BCAS3: variants seen among roughly 807,000 people sequenced by gnomAD.
BCAS3 encodes BCAS3 microtubule associated cell migration factor.
BCAS3 carries 53 observed loss-of-function variants against 116.1 expected under a neutral mutation model. That is an observed-to-expected ratio of 0.46 (90% confidence interval 0.37 to 0.57). The LOEUF (loss-of-function observed/expected upper bound fraction) is 0.57, where lower values mean the gene tolerates loss of function less well. BCAS3 is among the 20% of genes least tolerant of loss of function. The pLI is 0.00. For missense variants in BCAS3, 917 were observed against 1,165.4 expected, an observed-to-expected ratio of 0.79 and a Z score of 3.10; for synonymous variants, 391 against 408.2, an observed-to-expected ratio of 0.96 and a Z score of 0.51.
chr17:61,138,469 G>A (rs957080778), intron 22 of BCAS3, among the ~76,000 whole-genome samples: 2 of 152,184 alleles, frequency 1.3e-5, no homozygotes, highest in African/African-American at 4.8e-5. Flanking sequence ...CTTACACACA[G>A]ACCAAATTAC....
rs762784857 is a variant in BCAS3, at chr17:61,279,972, G to C, written c.2426-88355G>C. On this transcript the variant is annotated intron_variant, in intron 22 of 23. Coordinates refer to ENST00000407086, the MANE Select transcript of BCAS3 (RefSeq NM_017679.5). The surrounding 1 kb of genome is among the most constrained non-coding windows in gnomAD (Gnocchi z 4.4). ...TCTACATTAACTCTTTGTTTAGCTT[G>C]GCTCCAGAACCATAAGTACTTTCCT... Among the ~76,000 whole-genome samples, 24 of 152,116 alleles carry C rather than the reference G, an allele frequency of 1.6e-4. No homozygotes were observed. Among genetic ancestry groups the C allele is most frequent in the Middle Eastern group, 6.8e-3 (2 of 292 alleles).
At chr17:60,684,169 G>T in intron 3 of BCAS3, 133 bp downstream of exon 3, 1 of 739,550 alleles carries the variant, frequency 1.4e-6, no homozygotes, top group East Asian at 2.5e-5. Context: ...AGCATTCGTA[G>T]GGTGGGACTA....
Position 61,088,888 on chromosome 17 carries a change from T to C in BCAS3, c.2425+4324T>C, listed in dbSNP as rs1463285713. Among the ~76,000 whole-genome samples the C allele has an allele frequency of 6.6e-6, 1 of 152,080 alleles. No individual in the cohort carries two copies. The highest frequency in any genetic ancestry group is 1.5e-5 in the Non-Finnish European group (1 of 68,004). Reference sequence around the variant, plus strand: ...TTATGAGGTGTGGTGGAAGCAGTGTTTGTGTACATGCCTGAGGAAGTGTGG... The same window carrying C: ...TTATGAGGTGTGGTGGAAGCAGTGTCTGTGTACATGCCTGAGGAAGTGTGG... On this transcript the variant is annotated intron_variant, in intron 22 of 23. Coordinates refer to ENST00000407086, the MANE Select transcript of BCAS3 (RefSeq NM_017679.5). This position sits in a 1 kb window ranked among gnomAD's most constrained non-coding sequence, Gnocchi z 4.2.
chr17:61,128,465 G>A lies in BCAS3; in HGVS notation c.2425+43901G>A. The A allele has an allele frequency of 1.0e-6, 1 of 985,434 alleles. No homozygotes were observed. The highest frequency in any genetic ancestry group is 1.2e-6 in the Non-Finnish European group (1 of 829,932). 61.0% of individuals were successfully genotyped at this position (985,434 alleles called of 1,614,324 possible). On this transcript the variant is annotated intron_variant, in intron 22 of 23. Transcript: ENST00000407086. This position sits in a 1 kb window ranked among gnomAD's most constrained non-coding sequence, Gnocchi z 4.1. ...ACAGAGTAATAATAATAGATTTGGA[G>A]AATGTTCTGTGTTTTCAAAGACAGA...
Position 60,683,994 on chromosome 17 carries a change from C to T in BCAS3, c.96C>T (p.Tyr32=). ...VRPQAVTEQS[Y]MESVVTFLQD... is the part of the protein sequence containing the mutation. ...CACCCTTTTCCAGAGAGCAGTCCTA[C>T]ATGGAAAGTGTTGTGACTTTTCTGC... Residue 32 remains tyrosine, a synonymous_variant, in exon 3 of 24, where the codon TAC becomes TAT. Coordinates refer to ENST00000407086, the MANE Select transcript of BCAS3 (RefSeq NM_017679.5). The T allele has an allele frequency of 6.2e-7, 1 of 1,613,818 alleles. No homozygotes were observed. Among genetic ancestry groups the T allele is most frequent in the Non-Finnish European group, 8.5e-7 (1 of 1,179,794 alleles).
chr17:61,351,712 G>C (rs7214554), intron 22 of BCAS3, among the ~76,000 whole-genome samples: 3,950 of 152,204 alleles, frequency 0.026, 160 homozygotes, highest in African/African-American at 0.09. Context: ...TCCCCCTTCC[G>C]CATCTCAGAA....
Position 61,139,322 on chromosome 17 carries a change from G to A in BCAS3, c.2425+54758G>A, listed in dbSNP as rs1400463152. 1.3e-5 allele frequency among the ~76,000 whole-genome samples: 2 copies of A among 152,156 alleles called. No individual in the cohort carries two copies. The highest frequency in any genetic ancestry group is 1.9e-4 in the East Asian group (1 of 5,196). On this transcript the variant is annotated intron_variant, in intron 22 of 23. Transcript: ENST00000407086. This position sits in a 1 kb window ranked among gnomAD's most constrained non-coding sequence, Gnocchi z 4.7. Reference sequence around the variant, plus strand: ...GATTTGCTTCTTTAAGGAAGTGCGAGAAGGTTAAAGATGTCTGTGATCTGG... The same window carrying A: ...GATTTGCTTCTTTAAGGAAGTGCGAAAAGGTTAAAGATGTCTGTGATCTGG...
chr17:61,067,053 G>A (rs1240684236), intron 19 of BCAS3, among the ~76,000 whole-genome samples: 1 of 151,230 alleles, frequency 6.6e-6, no homozygotes, highest in Non-Finnish European at 1.5e-5. Flanking sequence ...TTTTCTGTGG[G>A]TAATTTTTTA....
rs1407256894 is a variant in BCAS3, at chr17:61,095,871, A to G, written c.2425+11307A>G. On this transcript the variant is annotated intron_variant, in intron 22 of 23. Coordinates refer to ENST00000407086, the MANE Select transcript of BCAS3 (RefSeq NM_017679.5). This position sits in a 1 kb window ranked among gnomAD's most constrained non-coding sequence, Gnocchi z 4.7. ...CACACACACACACACACACACACACACATTAAATTACTAGTTTGTTTGTTT... is the reference window on the plus strand; with the variant it reads ...CACACACACACACACACACACACACGCATTAAATTACTAGTTTGTTTGTTT... Among the ~76,000 whole-genome samples the G allele has an allele frequency of 2.0e-5, 3 of 152,054 alleles. No homozygotes were observed. The highest frequency in any genetic ancestry group is 4.4e-5 in the Non-Finnish European group (3 of 68,008).
At chr17:60,931,902 G>T (rs1480245443) in intron 13 of BCAS3, among the ~76,000 whole-genome samples, 1 of 151,932 alleles carries the variant, frequency 6.6e-6, no homozygotes, top group African/African-American at 2.4e-5. Flanking sequence ...GTGAAACTCT[G>T]TCTCTACAAA....
At chr17:60,731,307 A>G (rs991327953) in intron 5 of BCAS3, among the ~76,000 whole-genome samples, 1 of 152,058 alleles carries the variant, frequency 6.6e-6, no homozygotes, top group Non-Finnish European at 1.5e-5. Context: ...TCTGCCTCCC[A>G]GTTCAAGTAA....
chr17:61,006,159 G>T (rs933914302), intron 15 of BCAS3, among the ~76,000 whole-genome samples: 20 of 151,958 alleles, frequency 1.3e-4, no homozygotes, highest in Non-Finnish European at 8.8e-5. Flanking sequence ...AGTATTCCAT[G>T]GTGTATATGT....
rs760151455 is a variant in BCAS3, at chr17:61,388,914, C to A, written c.2594-3063C>A. On this transcript the variant is annotated intron_variant, in intron 23 of 23. Coordinates refer to ENST00000407086, the MANE Select transcript of BCAS3 (RefSeq NM_017679.5). This position sits in a 1 kb window ranked among gnomAD's most constrained non-coding sequence, Gnocchi z 6.5. The stretch of plus-strand genomic sequence containing the variant: ...GGGGCCAGCAGGCCCCCGATTCTTT[C>A]AGTTAGTCTGTGTTGAAGAATGGGC... The A allele has an allele frequency of 3.7e-5, 21 of 569,456 alleles. No homozygotes were observed. The highest frequency in any genetic ancestry group is 5.6e-5 in the Non-Finnish European group (18 of 321,382). The allele number at this position is 569,456 out of a possible 1,614,324, so 35.3% of individuals were successfully genotyped here.
chr17:60,939,252 G>A (rs2145216234), intron 13 of BCAS3, among the ~76,000 whole-genome samples: 1 of 152,136 alleles, frequency 6.6e-6, no homozygotes, highest in East Asian at 1.9e-4. Context: ...TCAACATGGT[G>A]AAACCCTGTC....
At chr17:60,966,635 A>T (rs929890941) in intron 14 of BCAS3, among the ~76,000 whole-genome samples, 14 of 152,076 alleles carry the variant, frequency 9.2e-5, no homozygotes, top group Admixed American at 6.5e-5. Context: ...ATGTAAAAAA[A>T]ATTTATACTT....
chr17:60,999,672 T>C (rs2064104792), intron 15 of BCAS3, among the ~76,000 whole-genome samples: 1 of 152,208 alleles, frequency 6.6e-6, no homozygotes, highest in South Asian at 2.1e-4. Flanking sequence ...AATAGTTTTT[T>C]CTAATTCTGT....
chr17:61,189,483 G>A lies in BCAS3; in HGVS notation c.2425+104919G>A, dbSNP rs910136261. Among the ~76,000 whole-genome samples the A allele has an allele frequency of 4.6e-5, 7 of 152,152 alleles. No homozygotes were observed. Among genetic ancestry groups the A allele is most frequent in the Non-Finnish European group, 7.3e-5 (5 of 68,030 alleles). Reference sequence around the variant, plus strand: ...TCTTAGGCAGAAGAGGAGTGACAGCGTCAGACTTGCATTTTAAATGTAATT... The same window carrying A: ...TCTTAGGCAGAAGAGGAGTGACAGCATCAGACTTGCATTTTAAATGTAATT... On this transcript the variant is annotated intron_variant, in intron 22 of 23. Coordinates refer to ENST00000407086, the MANE Select transcript of BCAS3 (RefSeq NM_017679.5). The surrounding 1 kb of genome is among the most constrained non-coding windows in gnomAD (Gnocchi z 4.5).
At chr17:60,999,546 C>CA (rs1021249439) in intron 15 of BCAS3, among the ~76,000 whole-genome samples, 2,296 of 62,388 alleles carry the variant, frequency 0.037, 24 homozygotes, top group Non-Finnish European at 0.045. Flanking sequence ...GACTGTGTCT[C>CA]AAAAAAAAAA....
At chr17:61,290,929 T>A (rs535026341) in intron 22 of BCAS3, among the ~76,000 whole-genome samples, 1 of 152,110 alleles carries the variant, frequency 6.6e-6, no homozygotes. Flanking sequence ...TACAGGTGCC[T>A]GCCACCACGC....
Sources: allele counts gnomAD v4.1 joint callset (sites outside exome capture counted in the v4.1 genomes callset), GRCh38; gene constraint gnomAD v4.1.1; non-coding constraint Gnocchi (gnomAD v3.1); transcripts MANE v1.5; gene names NCBI Gene and HGNC (gene_info 2026-07-23, HGNC 2026-07-21).